Variants in MAST2 observed in about 807,000 individuals in gnomAD.
MAST2 encodes microtubule-associated serine/threonine-protein kinase 2.
A neutral mutation model predicts 147.4 loss-of-function variants in MAST2; 70 were observed. The ratio of observed to expected loss-of-function variants is 0.47; its 90% CI spans 0.39 to 0.58. The LOEUF is 0.58. Among genes scored for constraint, MAST2 ranks in the 20% least tolerant of loss-of-function variants. The pLI is 0.00. For missense variants in MAST2, 2,080 were observed against 2,302.3 expected (o/e 0.90, Z 1.98); for synonymous variants, 869 against 896.8 (o/e 0.97, Z 0.55).
At chr1:45,832,419 C>T (rs1028084521) in intron 3 of MAST2, among the ~76,000 whole-genome samples, 8 of 151,854 alleles carry the variant, frequency 5.3e-5, no homozygotes, top group Middle Eastern at 3.4e-3. Flanking sequence ...TCATGCCTCC[C>T]GAGTAGCTGG....
chr1:46,012,830 A>G (rs563145984), intron 10 of MAST2, among the ~76,000 whole-genome samples: 1 of 152,080 alleles, frequency 6.6e-6, no homozygotes. Context: ...CCCCATCTCT[A>G]CACTAGCCAG....
intron 4 of MAST2, among the ~76,000 whole-genome samples, chr1:45,928,362 T>A (rs957315070): frequency 2.6e-5 from 4 of 152,004 alleles, no homozygotes; most frequent in Admixed American, 6.6e-5. Context: ...TATGTTCAAA[T>A]TTTTTTTGCA....
chr1:45,898,203 G>A (rs1649091809), intron 4 of MAST2, among the ~76,000 whole-genome samples: 1 of 152,140 alleles, frequency 6.6e-6, no homozygotes, highest in African/African-American at 2.4e-5. Flanking sequence ...GAATTGTGTA[G>A]TCATACTAGC....
intron 9 of MAST2, among the ~76,000 whole-genome samples, 183 bp from the exon 10 acceptor site, chr1:46,010,547 T>C (rs1457829876): frequency 6.6e-6 from 1 of 152,198 alleles, no homozygotes; most frequent in Non-Finnish European, 1.5e-5. Flanking sequence ...CTAAGGCATC[T>C]TGAGTTGACT....
At chr1:45,895,191 T>G (rs1226921093) in intron 4 of MAST2, among the ~76,000 whole-genome samples, 2 of 152,234 alleles carry the variant, frequency 1.3e-5, no homozygotes, top group Non-Finnish European at 2.9e-5. Flanking sequence ...GTAATTGGCT[T>G]CCTTTATGTT....
At chr1:46,008,715 A>G (rs1474812107) in intron 9 of MAST2, among the ~76,000 whole-genome samples, 1 of 152,226 alleles carries the variant, frequency 6.6e-6, no homozygotes, top group Non-Finnish European at 1.5e-5. Context: ...CACTGTGCAC[A>G]TGAGGATCCA....
intron 4 of MAST2, among the ~76,000 whole-genome samples, chr1:45,890,767 G>A (rs1210493457): frequency 6.6e-6 from 1 of 152,204 alleles, no homozygotes; most frequent in African/African-American, 2.4e-5. Context: ...CTACTATAGA[G>A]TTTAACACAA....
At position 46,027,866 on chromosome 1, in the gene MAST2, A is replaced by G. The variant is rs1646480442; in HGVS notation, c.2052+3A>G. ...CCCGGGAATTCCTGGACAAGCAGGT[A>G]AGGAAGGGTAGTTGATACACTGGGG... On this transcript the variant is annotated splice_donor_region_variant and intron_variant, in intron 17 of 28. Transcript: ENST00000361297. 1.2e-6 allele frequency: 2 copies of G among 1,613,976 alleles called. No homozygotes were observed. Among genetic ancestry groups the G allele is most frequent in the African/African-American group, 2.7e-5 (2 of 75,034 alleles).
At chr1:45,941,829 A>G (rs1307266444) in intron 4 of MAST2, among the ~76,000 whole-genome samples, 3 of 152,148 alleles carry the variant, frequency 2.0e-5, no homozygotes, top group African/African-American at 2.4e-5. Context: ...TTCTGCATCT[A>G]TTGAGATGGT....
chr1:45,858,523 A>G (rs1201522105), intron 3 of MAST2, among the ~76,000 whole-genome samples: 2 of 150,262 alleles, frequency 1.3e-5, no homozygotes, highest in Non-Finnish European at 3.0e-5. Context: ...GCCCTTCGTC[A>G]GATGAGTAGA....
intron 1 of MAST2, among the ~76,000 whole-genome samples, chr1:45,818,366 C>A (rs539381035): frequency 6.6e-6 from 1 of 152,280 alleles, no homozygotes; most frequent in Admixed American, 6.5e-5. Flanking sequence ...AGCTTCTTCT[C>A]AGTCCAGCCA....
rs1471125808 is a variant in MAST2 at position 45,975,415 on chromosome 1, T to G, written c.592+15938T>G. 2.2e-5 allele frequency among the ~76,000 whole-genome samples: 3 copies of G among 138,928 alleles called. No individual in the cohort carries two copies. In the Admixed American group the frequency reaches 2.5e-4, roughly 11 times the overall value. 91.1% of individuals were successfully genotyped at this position (138,928 alleles called of 152,430 possible). ...GGCTCACTCCTGTAATTCCAACACT[T>G]TGGGAGGCCAAGGTGGGAGGATCAC... On this transcript the variant is annotated intron_variant, in intron 5 of 28. Transcript: ENST00000361297.
chr1:45,834,924 TC>T (rs1447141106), intron 3 of MAST2, among the ~76,000 whole-genome samples: 1 of 152,080 alleles, frequency 6.6e-6, no homozygotes, highest in African/African-American at 2.4e-5. Flanking sequence ...AGCCAGTTCT[TC>T]CTTGTTCATT....
chr1:45,976,411 A>T (rs1023904673), intron 5 of MAST2, among the ~76,000 whole-genome samples: 22 of 152,194 alleles, frequency 1.4e-4, no homozygotes, highest in African/African-American at 5.3e-4. Flanking sequence ...AGCCTGGTCG[A>T]CATGATAAAA....
At chr1:45,819,933 A>T (rs1382541280) in intron 1 of MAST2, among the ~76,000 whole-genome samples, 1 of 152,194 alleles carries the variant, frequency 6.6e-6, no homozygotes, top group Non-Finnish European at 1.5e-5. Flanking sequence ...ACATTACCTG[A>T]CTTGAAATGA....
intron 10 of MAST2, among the ~76,000 whole-genome samples, chr1:46,017,276 A>G (rs1204011478): frequency 6.6e-6 from 1 of 152,250 alleles, no homozygotes; most frequent in African/African-American, 2.4e-5. Context: ...CAAGGACTTC[A>G]TGTCTAAAGC....
intron 9 of MAST2, among the ~76,000 whole-genome samples, chr1:46,010,051 C>T (rs1445324945): frequency 6.6e-6 from 1 of 152,204 alleles, no homozygotes; most frequent in Non-Finnish European, 1.5e-5. Flanking sequence ...TTCCTATCCA[C>T]AGTCCCCCCA....
chr1:45,868,779 G>A (rs953541635), intron 3 of MAST2, among the ~76,000 whole-genome samples: 1 of 152,098 alleles, frequency 6.6e-6, no homozygotes, highest in Non-Finnish European at 1.5e-5. Flanking sequence ...CAAGAACCAG[G>A]TAGATTTCAA....
In MAST2 at chr1:45,824,313, G is replaced by T. The variant is rs946850269; in HGVS notation, c.178-120G>T. ...GTTTCTGGTTTTAGCTATGGAGGGG[G>T]AAGTATAATATTTTGGCACTTTTAA... On this transcript the variant is annotated intron_variant, in intron 1 of 28. Transcript: ENST00000361297. The T allele has an allele frequency of 6.9e-6, 4 of 577,540 alleles. No homozygotes were observed. In the South Asian group the frequency reaches 1.9e-4, roughly 27 times the overall value. The allele number at this position is 577,540 out of a possible 1,614,324, so 35.8% of individuals were successfully genotyped here. A position where few individuals can be genotyped will look rare whatever the true frequency, so the allele number is the denominator to read the frequency against.
Sources: gnomAD v4.1 joint callset for allele counts (sites outside exome capture counted in the v4.1 genomes callset) on GRCh38, gnomAD v4.1.1 for gene constraint, MANE v1.5 for transcripts, NCBI Gene and HGNC (gene_info 2026-07-23, HGNC 2026-07-21) for gene names.